WBP2NL: variants seen among roughly 807,000 people sequenced by gnomAD.
WBP2NL encodes WBP2 N-terminal like.
A neutral mutation model predicts 23.3 loss-of-function variants in WBP2NL; 27 were observed. That is an observed-to-expected ratio of 1.16 (90% CI 0.85 to 1.60). The LOEUF (loss-of-function observed/expected upper bound fraction) is 1.60. Among genes scored for constraint, WBP2NL ranks in the 40% most tolerant of loss-of-function variants. WBP2NL has a pLI of 0.00. For missense variants in WBP2NL, 370 were observed against 389.5 expected (o/e 0.95, Z 0.42); for synonymous variants, 151 against 145.9 (o/e 1.03, Z -0.25).
intron 1 of WBP2NL, among the ~76,000 whole-genome samples, chr22:42,005,236 G>A (rs549705755): frequency 1.3e-5 from 2 of 151,270 alleles, no homozygotes; most frequent in South Asian, 2.1e-4. Context: ...TAAATAGGCC[G>A]GGCATGGTGG....
chr22:42,036,734 G>A (rs1414166865), downstream of WBP2NL, among the ~76,000 whole-genome samples: 1 of 152,112 alleles, frequency 6.6e-6, no homozygotes, highest in Non-Finnish European at 1.5e-5. Flanking sequence ...CCTTTTTTGA[G>A]AAGTGTCTAT....
chr22:42,058,361 C>A (rs1403270197), exon 9 of WBP2NL: 1 of 151,982 alleles, frequency 6.6e-6, no homozygotes, highest in Non-Finnish European at 1.5e-5. Flanking sequence ...TTGATGGTTA[C>A]TGGAGCTGGA....
intron 8 of WBP2NL, among the ~76,000 whole-genome samples, chr22:42,041,173 GT>G (rs1486183344): frequency 2.0e-5 from 3 of 152,108 alleles, no homozygotes. Context: ...CCTAGTAACA[GT>G]TTTGGACTTA....
intron 1 of WBP2NL, chr22:42,002,829 G>A (rs1419416432): frequency 7.6e-6 from 1 of 131,044 alleles, no homozygotes; most frequent in African/African-American, 2.6e-5. Flanking sequence ...TAGTACCCTA[G>A]CTTCCTGGAT....
At chr22:42,020,144 G>C in intron 4 of WBP2NL, 48 bp downstream of exon 4, 1 of 1,523,052 alleles carries the variant, frequency 6.6e-7, no homozygotes, top group Non-Finnish European at 9.0e-7. Flanking sequence ...TTTTTTGTTT[G>C]TTTGTTTGGG....
chr22:42,020,881 TATATATATATATATATATATA>T (rs1923863572), intron 4 of WBP2NL, among the ~76,000 whole-genome samples: 1 of 28,320 alleles, frequency 3.5e-5, no homozygotes, highest in African/African-American at 1.9e-4. Context: ...TATATATATA[TATATATATATATATATATATA>T]TATATATTTT....
chr22:42,028,357 G>A lies in WBP2NL; in HGVS notation c.*1176G>A, dbSNP rs543034582. 80 of 288,968 alleles carry A rather than the reference G, an allele frequency of 2.8e-4. 1 individual carries two copies. In the South Asian group the frequency reaches 0.012, roughly 44 times the overall value. 17.9% of individuals were successfully genotyped at this position (288,968 alleles called of 1,614,324 possible). On this transcript the variant is annotated 3_prime_UTR_variant, in exon 6 of 6. Transcript: ENST00000328823. The stretch of plus-strand genomic sequence containing the variant: ...TTTGTATATTTATAACAAATATTTT[G>A]TAATGTCTCCTTCACTTCAATGAAG...
intron 1 of WBP2NL, among the ~76,000 whole-genome samples, chr22:42,007,421 A>G (rs1569446323): frequency 6.6e-6 from 1 of 152,230 alleles, no homozygotes; most frequent in Non-Finnish European, 1.5e-5. Flanking sequence ...ATTAAAGTAT[A>G]CATGACTTTA....
At chr22:42,040,928 T>C (rs532517791) in intron 8 of WBP2NL, among the ~76,000 whole-genome samples, 2 of 152,362 alleles carry the variant, frequency 1.3e-5, no homozygotes, top group East Asian at 3.9e-4. Flanking sequence ...ATTTGGTGTA[T>C]AGTGTTATTC....
chr22:42,051,989 G>A (rs767982784), intron 8 of WBP2NL, among the ~76,000 whole-genome samples: 5 of 152,220 alleles, frequency 3.3e-5, no homozygotes, highest in Non-Finnish European at 7.3e-5. Context: ...TTGCACAGCT[G>A]TAAGTGGAGC....
Position 42,019,240 on chromosome 22 carries a change from G to A in WBP2NL, c.63-71G>A, listed in dbSNP as rs1273879529. On this transcript the variant is annotated intron_variant, in intron 1 of 5. Transcript: ENST00000328823. ...TGTCTCAAAAAAAAAAAAAAATTGC[G>A]TTAAGAACTTTATGTGTGTCATTTT... 61 of 1,422,632 alleles carry A rather than the reference G, an allele frequency of 4.3e-5. 1 individual carries two copies. Among genetic ancestry groups the A allele is most frequent in the East Asian group, 9.2e-5 (4 of 43,594 alleles). The allele number at this position is 1,422,632 out of a possible 1,614,324, so 88.1% of individuals were successfully genotyped here.
chr22:42,032,769 A>G (rs538611478), downstream of WBP2NL: 7 of 470,438 alleles, frequency 1.5e-5, no homozygotes, highest in South Asian at 3.1e-5. Context: ...AGCTTCCTAA[A>G]TGGATTAGAA....
chr22:42,010,830 G>A (rs552028790), intron 1 of WBP2NL, among the ~76,000 whole-genome samples: 15 of 152,254 alleles, frequency 9.9e-5, no homozygotes, highest in Non-Finnish European at 1.8e-4. Flanking sequence ...GAGCCACCAC[G>A]CCTGGCCAAA....
chr22:42,011,412 C>A (rs1487433213), intron 1 of WBP2NL, among the ~76,000 whole-genome samples: 1 of 151,990 alleles, frequency 6.6e-6, no homozygotes, highest in African/African-American at 2.4e-5. Context: ...TGCCACCACA[C>A]CCAACTTTTT....
Position 42,026,824 on chromosome 22 carries a change from C to T in WBP2NL, c.573C>T (p.Ala191=). The T allele has an allele frequency of 1.2e-6, 2 of 1,614,058 alleles. No individual in the cohort carries two copies. The highest frequency in any genetic ancestry group is 1.7e-6 in the Non-Finnish European group (2 of 1,179,948). Reference sequence around the variant, plus strand: ...GAGCCCCACCTCCCGGATACGGAGCCCCACCTGCAGGATATGGAGCCCAAC... The same window carrying T: ...GAGCCCCACCTCCCGGATACGGAGCTCCACCTGCAGGATATGGAGCCCAAC... The part of the protein sequence containing the change: ...GYGAPPPGYG[A]PPAGYGAQPV... Residue 191 remains alanine (A), a synonymous_variant, in exon 6 of 6, where the codon GCC becomes GCT. Transcript: ENST00000328823.
At chr22:42,009,056 G>A (rs1182497347) in intron 1 of WBP2NL, among the ~76,000 whole-genome samples, 1 of 152,188 alleles carries the variant, frequency 6.6e-6, no homozygotes, top group East Asian at 1.9e-4. Flanking sequence ...TGGGATTACA[G>A]GCGTGAGCCA....
chr22:42,016,131 G>T (rs989652928), intron 1 of WBP2NL, among the ~76,000 whole-genome samples: 3 of 151,858 alleles, frequency 2.0e-5, no homozygotes. Context: ...ACAGACACAT[G>T]CCACCAGGCC....
rs747719698 is a variant in WBP2NL, at chr22:42,019,317, GA to G, written c.71del (p.Lys24SerfsTer35). On this transcript the variant is annotated frameshift_variant, in exon 2 of 6. Transcript: ENST00000328823. LOFTEE classifies it high-confidence loss of function. Reference sequence around the variant, plus strand: ...TGTTCCTCATTTTCTACAGTCTCTTGAAGCGGTCTCCGAATGTGGAGCTCTC... The same window carrying G: ...TGTTCCTCATTTTCTACAGTCTCTTGAGCGGTCTCCGAATGTGGAGCTCTC... ...ALIPNGESLL[K>X]RSPNVELSFP... The G allele has an allele frequency of 5.0e-6, 8 of 1,613,622 alleles. No individual in the cohort carries two copies. The South Asian group carries it at 8.8e-5, about 18-fold the overall frequency.
chr22:42,037,813 T>G (rs868533142), downstream of WBP2NL, among the ~76,000 whole-genome samples: 2 of 150,210 alleles, frequency 1.3e-5, no homozygotes, highest in Middle Eastern at 3.4e-3. Flanking sequence ...TTCTACCAGT[T>G]TCGGGGGGAG....
Sources: allele counts gnomAD v4.1 joint callset (sites outside exome capture counted in the v4.1 genomes callset), GRCh38; gene constraint gnomAD v4.1.1; transcripts MANE v1.5; gene names NCBI Gene and HGNC (gene_info 2026-07-23, HGNC 2026-07-21).